Variants in POU2F1 observed in about 807,000 individuals in gnomAD.
The protein encoded by POU2F1 is POU domain, class 2, transcription factor 1.
A neutral mutation model predicts 84.9 loss-of-function variants in POU2F1; 16 were observed. That is an observed-to-expected ratio of 0.19 (90% CI 0.13 to 0.29). POU2F1 has a LOEUF of 0.29. Ranked by LOEUF, POU2F1 falls within the 10% of genes least tolerant of loss-of-function variation. The probability of loss-of-function intolerance (pLI) is 1.00; values close to 1 mark genes in which losing one functional copy is unlikely to be tolerated. For missense variants in POU2F1, 738 were observed against 942.6 expected, an observed-to-expected ratio of 0.78 and a Z score of 2.84; for synonymous variants, 368 against 368.3, an observed-to-expected ratio of 1.00 and a Z score of 0.01.
chr1:167,294,592 C>T (rs1236031430), intron 1 of POU2F1, among the ~76,000 whole-genome samples: 1 of 151,984 alleles, frequency 6.6e-6, no homozygotes, highest in Non-Finnish European at 1.5e-5. Context: ...CAAATAATTC[C>T]ATCAAAAAGT....
intron 7 of POU2F1, chr1:167,380,856 C>A (rs1409115789): frequency 6.6e-6 from 1 of 152,102 alleles, no homozygotes; most frequent in African/African-American, 2.4e-5. Context: ...TAATTTCTAG[C>A]AAGGGAAATT....
chr1:167,390,776 C>T (rs1173123374), intron 9 of POU2F1, among the ~76,000 whole-genome samples: 1 of 151,792 alleles, frequency 6.6e-6, no homozygotes, highest in African/African-American at 2.4e-5. Flanking sequence ...GGTGACAGAG[C>T]AAGACACTGT....
intron 2 of POU2F1, among the ~76,000 whole-genome samples, chr1:167,363,692 A>G (rs1015488981): frequency 6.6e-6 from 1 of 152,234 alleles, no homozygotes; most frequent in Non-Finnish European, 1.5e-5. Context: ...ATGTCTAAGT[A>G]GTTCTGTAGT....
chr1:167,246,818 G>A (rs1371970922), intron 1 of POU2F1, among the ~76,000 whole-genome samples: 3 of 152,150 alleles, frequency 2.0e-5, no homozygotes, highest in South Asian at 4.1e-4. Flanking sequence ...AAATGGAACT[G>A]TTAAATGAGC....
intron 1 of POU2F1, among the ~76,000 whole-genome samples, chr1:167,245,643 C>T (rs746751828): frequency 3.9e-5 from 6 of 152,006 alleles, no homozygotes; most frequent in Non-Finnish European, 7.4e-5. Flanking sequence ...GAACTCCTGA[C>T]CTCAGGTGAT....
At chr1:167,267,197 TG>T (rs1187379638) in intron 1 of POU2F1, among the ~76,000 whole-genome samples, 1 of 144,524 alleles carries the variant, frequency 6.9e-6, no homozygotes, top group Non-Finnish European at 1.5e-5. Context: ...ATATATTAAA[TG>T]GGGTGGGGGG....
chr1:167,249,934 C>T (rs1650598431), intron 1 of POU2F1, among the ~76,000 whole-genome samples: 3 of 152,308 alleles, frequency 2.0e-5, no homozygotes, highest in South Asian at 4.1e-4. Context: ...CCTTTGCCCA[C>T]TTCTTGCTGT....
At chr1:167,346,145 A>G (rs1436531541) in intron 2 of POU2F1, among the ~76,000 whole-genome samples, 2 of 152,134 alleles carry the variant, frequency 1.3e-5, no homozygotes, top group Non-Finnish European at 2.9e-5. Context: ...ACTGCACTCC[A>G]GCCTGGGTGA....
intron 1 of POU2F1, among the ~76,000 whole-genome samples, chr1:167,310,239 A>AG (rs989041927): frequency 1.2e-4 from 18 of 152,190 alleles, no homozygotes; most frequent in African/African-American, 4.1e-4. Flanking sequence ...AAACCAGGAA[A>AG]GGGGGGAAGG....
At chr1:167,377,249 C>T (rs1660387741) in intron 7 of POU2F1, among the ~76,000 whole-genome samples, 1 of 152,158 alleles carries the variant, frequency 6.6e-6, no homozygotes, top group African/African-American at 2.4e-5. Context: ...GGAGTTTGAC[C>T]TTAAATCCTA....
At chr1:167,336,784 T>C (rs1338727852) in intron 2 of POU2F1, among the ~76,000 whole-genome samples, 1 of 152,064 alleles carries the variant, frequency 6.6e-6, no homozygotes, top group African/African-American at 2.4e-5. Context: ...ATCCCAGCAC[T>C]TTGGGAGGTT....
At chr1:167,239,384 G>T (rs1649738405) in intron 1 of POU2F1, among the ~76,000 whole-genome samples, 1 of 152,166 alleles carries the variant, frequency 6.6e-6, no homozygotes, top group Non-Finnish European at 1.5e-5. Context: ...TAAATACAGT[G>T]CTTATCTGGT....
At chr1:167,247,837 A>G (rs1268811977) in intron 1 of POU2F1, among the ~76,000 whole-genome samples, 1 of 152,236 alleles carries the variant, frequency 6.6e-6, no homozygotes, top group Non-Finnish European at 1.5e-5. Context: ...TATTTATACC[A>G]TGCAATCAAA....
At chr1:167,390,867 A>G (rs976451334) in intron 9 of POU2F1, among the ~76,000 whole-genome samples, 3 of 152,248 alleles carry the variant, frequency 2.0e-5, no homozygotes, top group Admixed American at 6.5e-5. Flanking sequence ...CAGGCATGCA[A>G]GCACAGGCAC....
intron 2 of POU2F1, among the ~76,000 whole-genome samples, chr1:167,343,514 C>T (rs1387441564): frequency 6.6e-6 from 1 of 151,826 alleles, no homozygotes; most frequent in African/African-American, 2.4e-5. Context: ...AAGAATTTTC[C>T]AGCCATGTTA....
chr1:167,239,895 A>G (rs1649772918), intron 1 of POU2F1, among the ~76,000 whole-genome samples: 1 of 152,284 alleles, frequency 6.6e-6, no homozygotes. Flanking sequence ...ACTCAGAAAA[A>G]TACTAAGACA....
intron 2 of POU2F1, among the ~76,000 whole-genome samples, chr1:167,346,810 C>CATGAATTTTGATT (rs1303374680): frequency 6.6e-6 from 1 of 152,204 alleles, no homozygotes; most frequent in Non-Finnish European, 1.5e-5. Context: ...TATTCTGTGT[C>CATGAATTTTGATT]ATGAATTTTG....
intron 7 of POU2F1, among the ~76,000 whole-genome samples, chr1:167,383,026 A>G (rs1647681468): frequency 6.6e-6 from 1 of 152,230 alleles, no homozygotes; most frequent in African/African-American, 2.4e-5. Flanking sequence ...ATCTTATCAC[A>G]TATTCAAAAG....
intron 1 of POU2F1, among the ~76,000 whole-genome samples, chr1:167,326,832 T>C (rs948921192): frequency 6.6e-6 from 1 of 152,212 alleles, no homozygotes; most frequent in African/African-American, 2.4e-5. Flanking sequence ...TTAGCTAATA[T>C]ATGAAAGACC....
Sources: allele counts gnomAD v4.1 joint callset (sites outside exome capture counted in the v4.1 genomes callset), GRCh38; gene constraint gnomAD v4.1.1; transcripts MANE v1.5; gene names NCBI Gene and HGNC (gene_info 2026-07-23, HGNC 2026-07-21).